Variants in ASTN2 observed in about 807,000 individuals in gnomAD.
ASTN2 encodes the protein astrotactin 2.
In ASTN2, 54 loss-of-function variants were observed where a neutral mutation model predicts 139.8. The ratio of observed to expected loss-of-function variants is 0.39; its 90% confidence interval spans 0.31 to 0.48. The LOEUF (loss-of-function observed/expected upper bound fraction) is 0.48, where lower values mean the gene tolerates loss of function less well. ASTN2 is among the 20% of genes least tolerant of loss of function. The pLI is 0.95. For synonymous variants in ASTN2, 756 were observed against 719.5 expected (o/e 1.05, Z -0.81); for missense variants, 1,565 against 1,725.1 (o/e 0.91, Z 1.64).
rs538834583 is a variant in ASTN2, at chr9:116,423,819, G to C, written c.*2032C>G. On this transcript the variant is annotated 3_prime_UTR_variant, in exon 23 of 23. Coordinates refer to ENST00000313400, the MANE Select transcript of ASTN2 (RefSeq NM_001365068.1). ...ATTGAAGTCCTGGGGAAAAAAATGC[G>C]CTCAATATGTAGGTTATCAGGAAGG... 6.6e-6 allele frequency among the ~76,000 whole-genome samples: 1 copy of C among 152,210 alleles called. No homozygotes were observed. Among genetic ancestry groups the C allele is most frequent in the South Asian group, 2.1e-4 (1 of 4,816 alleles).
chr9:116,521,073 T>C (rs1194398561), intron 19 of ASTN2, among the ~76,000 whole-genome samples: 1 of 152,092 alleles, frequency 6.6e-6, no homozygotes, highest in African/African-American at 2.4e-5. Context: ...AAAATGACCA[T>C]ACTGCCAAAA....
chr9:117,282,957 T>A (rs530423366), intron 2 of ASTN2, among the ~76,000 whole-genome samples: 1 of 150,288 alleles, frequency 6.7e-6, no homozygotes, highest in Admixed American at 6.6e-5. Flanking sequence ...AGCTCCAAGA[T>A]CCCACTATAT....
chr9:117,238,724 G>C (rs1256695958), intron 2 of ASTN2, among the ~76,000 whole-genome samples: 3 of 152,168 alleles, frequency 2.0e-5, no homozygotes, highest in African/African-American at 7.2e-5. Context: ...CTGATTCTCA[G>C]TTTAATCATC....
At position 117,315,581 on chromosome 9, in the gene ASTN2, A is replaced by G. The variant is rs192930117; in HGVS notation, c.443-24068T>C. Among the ~76,000 whole-genome samples the G allele has an allele frequency of 3.7e-3, 565 of 152,330 alleles. 1 individual carries two copies. Among genetic ancestry groups the G allele is most frequent in the Middle Eastern group, 0.014 (4 of 294 alleles). On this transcript the variant is annotated intron_variant, in intron 1 of 22. Transcript: ENST00000313400. ...TTCTCAGCCAGGGCTGCTGTGATGT[A>G]TGCATATTCTGACATACAGCAGTTC...
At chr9:116,643,168 AC>A (rs1333693421) in intron 17 of ASTN2, among the ~76,000 whole-genome samples, 1 of 152,180 alleles carries the variant, frequency 6.6e-6, no homozygotes, top group African/African-American at 2.4e-5. Context: ...CACATGAAGC[AC>A]TTTTTTAAAT....
rs188052300 is a variant in ASTN2, at chr9:117,097,427, G to A, written c.1169-1276C>T. ...AAGGATTAGTAAATTATTTACTCTA[G>A]AGAAGAAATAACCAGGAGAGAGAGC... is the stretch of plus-strand genomic sequence containing the variant. On this transcript the variant is annotated intron_variant, in intron 4 of 22. Transcript: ENST00000313400. Among the ~76,000 whole-genome samples, 58 of 152,198 alleles carry A rather than the reference G, an allele frequency of 3.8e-4. 4 individuals carry two copies. The highest frequency in any genetic ancestry group is 1.3e-3 in the African/African-American group (54 of 41,534).
chr9:116,835,832 G>A, intron 11 of ASTN2, among the ~76,000 whole-genome samples: 1 of 152,076 alleles, frequency 6.6e-6, no homozygotes, highest in Non-Finnish European at 1.5e-5. Context: ...CGTCACCCAG[G>A]TTGGAGTACA....
At chr9:117,193,170 C>G (rs1025829239) in intron 3 of ASTN2, among the ~76,000 whole-genome samples, 5 of 152,136 alleles carry the variant, frequency 3.3e-5, no homozygotes, top group Non-Finnish European at 7.3e-5. Context: ...CCTGTCTCCC[C>G]CTGTGGCTGT....
chr9:117,099,961 A>C (rs1012977001), intron 4 of ASTN2, among the ~76,000 whole-genome samples: 2 of 152,224 alleles, frequency 1.3e-5, no homozygotes, highest in Admixed American at 6.5e-5. Flanking sequence ...CTTCGTACCT[A>C]ATACAACCAG....
intron 13 of ASTN2, among the ~76,000 whole-genome samples, chr9:116,750,528 A>G (rs1336416771): frequency 6.8e-6 from 1 of 147,952 alleles, no homozygotes; most frequent in Non-Finnish European, 1.5e-5. Context: ...TCTAATAGCA[A>G]TTGTTTCCTT....
intron 17 of ASTN2, among the ~76,000 whole-genome samples, chr9:116,638,325 A>C (rs903648646): frequency 8.5e-5 from 13 of 152,232 alleles, no homozygotes; most frequent in Non-Finnish European, 1.8e-4. Context: ...AATTATTAGT[A>C]AACTCTAGTT....
chr9:117,212,329 C>T (rs913278446), intron 3 of ASTN2, among the ~76,000 whole-genome samples: 2 of 151,230 alleles, frequency 1.3e-5, no homozygotes, highest in Non-Finnish European at 2.9e-5. Flanking sequence ...AGGGGAAACA[C>T]TTCAAGACAT....
chr9:117,370,160 GGA>G (rs1036751484), intron 1 of ASTN2, among the ~76,000 whole-genome samples: 3 of 152,130 alleles, frequency 2.0e-5, no homozygotes, highest in Non-Finnish European at 2.9e-5. Flanking sequence ...AAGAGAAGAT[GGA>G]GAACAGACAA....
chr9:116,771,534 C>T (rs115723738), intron 13 of ASTN2, among the ~76,000 whole-genome samples: 4,258 of 152,256 alleles, frequency 0.028, 202 homozygotes, highest in African/African-American at 0.098. Context: ...TGGTTCTACT[C>T]CCAGCACCTC....
rs3038409 is a variant in ASTN2, at chr9:116,978,497, A to ACG, written c.1592-1713_1592-1712insCG. On this transcript the variant is annotated intron_variant, in intron 7 of 22. Coordinates refer to ENST00000313400, the MANE Select transcript of ASTN2 (RefSeq NM_001365068.1). ...CTCTCTCTCTCTCTCTCTCTCACGC[A>ACG]CACACACACACACACACACACACAC... Among the ~76,000 whole-genome samples, 3 of 101,392 alleles carry ACG rather than the reference A, an allele frequency of 3.0e-5. No homozygotes were observed. In the East Asian group the frequency reaches 7.7e-4, roughly 26 times the overall value. The allele number at this position is 101,392 out of a possible 152,430, so 66.5% of individuals were successfully genotyped here.
At chr9:116,982,249 G>C (rs1239306259) in intron 7 of ASTN2, among the ~76,000 whole-genome samples, 1 of 152,142 alleles carries the variant, frequency 6.6e-6, no homozygotes, top group Non-Finnish European at 1.5e-5. Flanking sequence ...CTGATAAATT[G>C]ATTCTTCTCT....
At chr9:117,009,047 G>T (rs1484527349) in intron 6 of ASTN2, among the ~76,000 whole-genome samples, 1 of 152,030 alleles carries the variant, frequency 6.6e-6, no homozygotes, top group African/African-American at 2.4e-5. Context: ...GAGAAGGTGG[G>T]GTTTGGGACA....
chr9:116,750,319 A>G (rs1269466194), intron 13 of ASTN2, among the ~76,000 whole-genome samples: 2 of 152,222 alleles, frequency 1.3e-5, no homozygotes, highest in Non-Finnish European at 2.9e-5. Flanking sequence ...AAACCAAGCC[A>G]TAACATGGAC....
chr9:117,310,050 C>A (rs910728909), intron 1 of ASTN2, among the ~76,000 whole-genome samples: 1 of 152,162 alleles, frequency 6.6e-6, no homozygotes, highest in Non-Finnish European at 1.5e-5. Flanking sequence ...AATGGGGTAA[C>A]TTGACAGGGT....
Sources: gnomAD v4.1 joint callset for allele counts (sites outside exome capture counted in the v4.1 genomes callset) on GRCh38, gnomAD v4.1.1 for gene constraint, MANE v1.5 for transcripts, NCBI Gene and HGNC (gene_info 2026-07-23, HGNC 2026-07-21) for gene names.